RETNLB: variants seen among roughly 807,000 people sequenced by gnomAD.
RETNLB encodes resistin like beta.
A neutral mutation model predicts 6.8 loss-of-function variants in RETNLB; 11 were observed. That is an observed-to-expected ratio of 1.62 (90% CI 1.02 to 2.68). The LOEUF is 2.68. Ranked by LOEUF, RETNLB falls within the 30% of genes most tolerant of loss-of-function variation. The pLI is 0.00. For synonymous variants in RETNLB, 57 were observed against 54.2 expected (o/e 1.05, Z -0.23); for missense variants, 146 against 135.7 (o/e 1.08, Z -0.38).
chr3:108,756,930 T>G, intron 1 of RETNLB, 129 bp downstream of exon 1: 2 of 1,037,590 alleles, frequency 1.9e-6, no homozygotes, highest in Non-Finnish European at 2.7e-6. Flanking sequence ...GGTAGGGTAG[T>G]GTAGAAAGCC....
At position 108,756,590 on chromosome 3, in the gene RETNLB, T is replaced by C; in HGVS notation, c.128-2A>G. ...TGCTTATAGGAGAGGGACTGTACTC[T>C]GAGTAGGAAAGAAGAAAGGGTACAT... On this transcript the variant is annotated splice_acceptor_variant, in intron 1 of 2. Coordinates refer to ENST00000295755, the MANE Select transcript of RETNLB (RefSeq NM_032579.3). LOFTEE classifies it high-confidence loss of function. 2 of 1,604,942 alleles carry C rather than the reference T, an allele frequency of 1.2e-6. No homozygotes were observed.
At chr3:108,756,805 A>T (rs2107482730) in intron 1 of RETNLB, 1 of 595,406 alleles carries the variant, frequency 1.7e-6, no homozygotes, top group Non-Finnish European at 3.0e-6. Flanking sequence ...AATCTACGTA[A>T]AACTTGGATT....
At position 108,757,029 on chromosome 3, in the gene RETNLB, C is replaced by T. The variant is rs200145629; in HGVS notation, c.127+30G>A. On this transcript the variant is annotated intron_variant, in intron 1 of 2. Transcript: ENST00000295755. ...AACAGGAGAAATGAGCAAGGGTCAA[C>T]CCCCCGCTTCCCCTACCCCAGTCAG... 5.6e-6 allele frequency: 9 copies of T among 1,600,668 alleles called. No homozygotes were observed. In the South Asian group the frequency reaches 5.7e-5, roughly 10 times the overall value.
At position 108,756,801 on chromosome 3, in the gene RETNLB, C is replaced by T. The variant is rs9817835; in HGVS notation, c.128-213G>A. On this transcript the variant is annotated intron_variant, in intron 1 of 2. Coordinates refer to ENST00000295755, the MANE Select transcript of RETNLB (RefSeq NM_032579.3). ...TGTGGGAATTAAATGAAATAATCTA[C>T]GTAAAACTTGGATTATACCTGGTTC... The T allele has an allele frequency of 6.4e-3, 3,782 of 594,232 alleles. 104 individuals carry two copies. Among genetic ancestry groups the T allele is most frequent in the African/African-American group, 0.063 (3,375 of 53,860 alleles). 36.8% of individuals were successfully genotyped at this position (594,232 alleles called of 1,614,324 possible).
intron 2 of RETNLB, among the ~76,000 whole-genome samples, chr3:108,756,274 C>G (rs1945249625): frequency 6.6e-6 from 1 of 152,046 alleles, no homozygotes; most frequent in Admixed American, 6.6e-5. Flanking sequence ...GGCTGAGAAA[C>G]AGGGGCATGA....
chr3:108,756,452 G>C, intron 2 of RETNLB, 56 bp downstream of exon 2: 1 of 1,162,044 alleles, frequency 8.6e-7, no homozygotes, highest in East Asian at 2.3e-5. Flanking sequence ...CAGGGAGATG[G>C]ACAGGGGAGG....
chr3:108,755,936 A>G (rs1305836406), intron 2 of RETNLB, 31 bp from the exon 3 acceptor site: 3 of 1,613,750 alleles, frequency 1.9e-6, no homozygotes, highest in Non-Finnish European at 2.5e-6. Flanking sequence ...CAGACATCAG[A>G]GCTCTTGGAA....
rs986842032 is a variant in RETNLB, at chr3:108,757,345, T to C, written c.-160A>G. On this transcript the variant is annotated 5_prime_UTR_variant, in exon 1 of 3. Transcript: ENST00000295755. ...ATCAGTACTGGATCTCTTTAGGCAG[T>C]TTGGAGAAGCAGGTAGGGTTGCTGA... The C allele has an allele frequency of 2.9e-6, 2 of 693,766 alleles. No individual in the cohort carries two copies. The highest frequency in any genetic ancestry group is 2.2e-6 in the Non-Finnish European group (1 of 453,848). The allele number at this position is 693,766 out of a possible 1,614,324, so 43.0% of individuals were successfully genotyped here. A position where few individuals can be genotyped will look rare whatever the true frequency, so the allele number is the denominator to read the frequency against.
chr3:108,757,173 A>G lies in RETNLB; in HGVS notation c.13T>C (p.Ser5Pro). 1.2e-6 allele frequency: 2 copies of G among 1,612,418 alleles called. No individual in the cohort carries two copies. Among genetic ancestry groups the G allele is most frequent in the Non-Finnish European group, 1.7e-6 (2 of 1,178,996 alleles). The change falls in exon 1 of 3, where the codon TCT (serine) becomes CCT (proline). Residue 5 changes from serine to proline, a missense_variant. Coordinates refer to ENST00000295755, the MANE Select transcript of RETNLB (RefSeq NM_032579.3). MGPSSCLLLILIPLL... is the reference protein window; with the variant it reads MGPSPCLLLILIPLL... ...GGGATTAGGATGAGAAGGAGGCAAG[A>G]GGACGGCCCCATCCTGTACAGAGTC...
Position 108,757,107 on chromosome 3 carries a change from A to C in RETNLB, c.79T>G (p.Leu27Val), listed in dbSNP as rs1181835951. The C allele has an allele frequency of 6.2e-7, 1 of 1,613,820 alleles. No homozygotes were observed. Among genetic ancestry groups the C allele is most frequent in the African/African-American group, 1.3e-5 (1 of 74,898 alleles). The change falls in exon 1 of 3, where the codon TTA becomes GTA. Residue 27 changes from leucine to valine, a missense_variant. Leu to Val is a conservative substitution (Grantham distance 32). Transcript: ENST00000295755. Reference protein sequence around the residue: ...LINPGSTQCSLDSVMDKKIKD... With the variant: ...LINPGSTQCSVDSVMDKKIKD... ...ATCTTCTTATCCATAACGGAGTCTA[A>C]GGAACACTGAGTACTCCCCGGGTTG...
In RETNLB at chr3:108,756,746, G is replaced by A. The variant is rs186035063; in HGVS notation, c.128-158C>T. The A allele has an allele frequency of 1.6e-3, 974 of 625,712 alleles. 8 individuals are homozygous for A. The highest frequency in any genetic ancestry group is 1.4e-3 in the Non-Finnish European group (503 of 352,026). The allele number at this position is 625,712 out of a possible 1,614,324, so 38.8% of individuals were successfully genotyped here. ...TAGTTTCCTCATTTTTAAAGCAGAA[G>A]TAATAGTTGTCCTTACCTCATAAAA... On this transcript the variant is annotated intron_variant, in intron 1 of 2. Transcript: ENST00000295755.
chr3:108,756,013 T>G, intron 2 of RETNLB, 108 bp from the exon 3 acceptor site: 11 of 1,267,546 alleles, frequency 8.7e-6, no homozygotes, highest in African/African-American at 1.5e-5. Context: ...AGAGCTAGGT[T>G]TCGTGGGGCC....
rs1422744625 is a variant in RETNLB, at chr3:108,755,691, G to A, written c.*87C>T. 3 of 1,428,648 alleles carry A rather than the reference G, an allele frequency of 2.1e-6. No homozygotes were observed. Among genetic ancestry groups the A allele is most frequent in the African/African-American group, 1.4e-5 (1 of 71,142 alleles). The allele number at this position is 1,428,648 out of a possible 1,614,324, so 88.5% of individuals were successfully genotyped here. On this transcript the variant is annotated 3_prime_UTR_variant, in exon 3 of 3. Transcript: ENST00000295755. ...AAGAATCAGGAATGGAACAAATGAA[G>A]TGGGACGTTTGAGTTAGATTTCTTG... is the stretch of plus-strand genomic sequence containing the variant.
chr3:108,755,943 G>A (rs1559805379), intron 2 of RETNLB, 38 bp from the exon 3 acceptor site: 3 of 1,613,442 alleles, frequency 1.9e-6, no homozygotes, highest in Non-Finnish European at 2.5e-6. Context: ...CAGAGCTCTT[G>A]GAATTTAAGA....
chr3:108,756,666 C>T, intron 1 of RETNLB, 78 bp from the exon 2 acceptor site: 1 of 1,060,044 alleles, frequency 9.4e-7, no homozygotes, highest in Non-Finnish European at 1.5e-6. Flanking sequence ...AAATTGTCTT[C>T]TACCTTGGAG....
intron 2 of RETNLB, among the ~76,000 whole-genome samples, chr3:108,756,145 G>C (rs1463163344): frequency 6.6e-6 from 1 of 152,172 alleles, no homozygotes; most frequent in African/African-American, 2.4e-5. Context: ...GGGAGTTTCA[G>C]TTTTCTTCGA....
Position 108,756,539 on chromosome 3 carries a change from T to G in RETNLB, c.177A>C (p.Lys59Asn), listed in dbSNP as rs959182578. ...ISKKLSCASV[K>N]SQGRPSSCPA... ...GGCAGGAGGACGGTCTGCCTTGGCT[T>G]TTGACACTAGCACACGAGAGCTTCT... The change falls in exon 2 of 3, where the codon AAA (lysine) becomes AAC (asparagine). Residue 59 changes from lysine to asparagine, a missense_variant. Transcript: ENST00000295755. The G allele has an allele frequency of 6.2e-7, 1 of 1,613,704 alleles. No homozygotes were observed. The highest frequency in any genetic ancestry group is 1.7e-5 in the Admixed American group (1 of 60,016).
At chr3:108,755,961 G>T in intron 2 of RETNLB, 56 bp from the exon 3 acceptor site, 1 of 1,609,302 alleles carries the variant, frequency 6.2e-7, no homozygotes, top group South Asian at 1.1e-5. Context: ...AGAGGAGGAA[G>T]GGCTACCCAC....
intron 1 of RETNLB, chr3:108,756,819 C>A: frequency 1.7e-6 from 1 of 594,560 alleles, no homozygotes; most frequent in African/African-American, 1.9e-5. Context: ...TTGGATTATA[C>A]CTGGTTCATA....
Sources: gnomAD v4.1 joint callset for allele counts (sites outside exome capture counted in the v4.1 genomes callset) on GRCh38, gnomAD v4.1.1 for gene constraint, MANE v1.5 for transcripts, NCBI Gene and HGNC (gene_info 2026-07-23, HGNC 2026-07-21) for gene names.